Variants in FOXRED1 observed in about 807,000 individuals in gnomAD.
FOXRED1 encodes FAD dependent oxidoreductase domain containing 1, also known as FAD-dependent oxidoreductase domain-containing protein 1.
Under a neutral mutation model 57.8 loss-of-function variants are expected in FOXRED1, and 52 were observed. The ratio of observed to expected loss-of-function variants is 0.90; its 90% CI spans 0.72 to 1.13. FOXRED1 has a LOEUF of 1.13. Ranked by LOEUF, FOXRED1 falls within the 50% of genes most tolerant of loss-of-function variation. The pLI, the probability that FOXRED1 is intolerant of heterozygous loss-of-function variation, is 0.00. For missense variants in FOXRED1, 589 were observed against 625.2 expected, an observed-to-expected ratio of 0.94 and a Z score of 0.62; for synonymous variants, 271 against 248.3, an observed-to-expected ratio of 1.09 and a Z score of -0.86.
Position 126,276,475 on chromosome 11 carries a change from C to T in FOXRED1, c.1053C>T (p.Arg351=). The T allele has an allele frequency of 6.2e-7, 1 of 1,608,792 alleles. No individual in the cohort carries two copies. The highest frequency in any genetic ancestry group is 1.3e-5 in the African/African-American group (1 of 74,488). ...CAGACACCAGTGGAGCCTATTTTCG[C>T]CGGGAAGGATTAGGTAGCAACTACC... ...LVADTSGAYF[R]REGLGSNYLG... The change falls in exon 9 of 11, where the codon CGC becomes CGT. Residue 351 remains arginine, a synonymous_variant. Coordinates refer to ENST00000263578, the MANE Select transcript of FOXRED1 (RefSeq NM_017547.4).
chr11:126,274,668 G>A lies in FOXRED1; in HGVS notation c.537-259G>A, dbSNP rs1951081867. On this transcript the variant is annotated intron_variant, in intron 4 of 10. Coordinates refer to ENST00000263578, the MANE Select transcript of FOXRED1 (RefSeq NM_017547.4). This position sits in a 1 kb window ranked among gnomAD's most constrained non-coding sequence, Gnocchi z 4.8. ...TTGAAAAAAAAAAAAAGAAGTCATG[G>A]AATAGACTGGGATAGCAGGGAGCTC... is the stretch of plus-strand genomic sequence containing the variant. 2.1e-6 allele frequency: 1 copy of A among 486,628 alleles called. No individual in the cohort carries two copies. 30.1% of individuals were successfully genotyped at this position (486,628 alleles called of 1,614,324 possible).
Position 126,277,798 on chromosome 11 carries a change from CA to C in FOXRED1, c.*110del, listed in dbSNP as rs1315626601. On this transcript the variant is annotated 3_prime_UTR_variant, in exon 11 of 11. Transcript: ENST00000263578. This position sits in a 1 kb window ranked among gnomAD's most constrained non-coding sequence, Gnocchi z 6.8. ...CTGTGCCAGGCCTTCTCCCCCTCCCCAGTGTCCTCTCCTCTCAGGCAGGCCA... is the reference window on the plus strand; with the variant it reads ...CTGTGCCAGGCCTTCTCCCCCTCCCCGTGTCCTCTCCTCTCAGGCAGGCCA... 8.0e-7 allele frequency: 1 copy of C among 1,246,436 alleles called. No homozygotes were observed. Among genetic ancestry groups the C allele is most frequent in the Non-Finnish European group, 1.2e-6 (1 of 856,128 alleles). The allele number at this position is 1,246,436 out of a possible 1,614,324, so 77.2% of individuals were successfully genotyped here. A position where few individuals can be genotyped will look rare whatever the true frequency, so the allele number is the denominator to read the frequency against.
In FOXRED1 at chr11:126,275,925, T is replaced by C; in HGVS notation, c.810+55T>C. 6.5e-7 allele frequency: 1 copy of C among 1,532,320 alleles called. No individual in the cohort carries two copies. Among genetic ancestry groups the C allele is most frequent in the Non-Finnish European group, 9.0e-7 (1 of 1,105,658 alleles). The allele number at this position is 1,532,320 out of a possible 1,614,324, so 94.9% of individuals were successfully genotyped here. On this transcript the variant is annotated intron_variant, in intron 7 of 10. Transcript: ENST00000263578. The surrounding 1 kb of genome is among the most constrained non-coding windows in gnomAD (Gnocchi z 5.9). ...CAAAATGGAGGGACAGGGAAGGTAGTGACTCTCCTTGTTTTGGTTTTCTTT... is the reference window on the plus strand; with the variant it reads ...CAAAATGGAGGGACAGGGAAGGTAGCGACTCTCCTTGTTTTGGTTTTCTTT...
rs143739550 is a variant in FOXRED1, at chr11:126,276,442, G to C, written c.1020G>C (p.Pro340=). Residue 340 remains proline, a synonymous_variant, in exon 9 of 11, where the codon CCG becomes CCC. Transcript: ENST00000263578. ...CCCAGGGACCAGGCCTAGAGACTCC[G>C]CTTGTTGCAGACACCAGTGGAGCCT... ...HCPQGPGLET[P]LVADTSGAYF... is the part of the protein sequence containing the mutation. The C allele has an allele frequency of 4.3e-3, 6,863 of 1,600,864 alleles. 21 individuals are homozygous for C. The highest frequency in any genetic ancestry group is 4.9e-3 in the Non-Finnish European group (5,778 of 1,172,978).
In FOXRED1 at chr11:126,271,566, G is replaced by T; in HGVS notation, c.215G>T (p.Gly72Val). 1.2e-6 allele frequency: 2 copies of T among 1,614,230 alleles called. No homozygotes were observed. The highest frequency in any genetic ancestry group is 1.7e-6 in the Non-Finnish European group (2 of 1,180,044). ...EHSDVVIVGG[G>V]VLGLSVAYWL... ...TCGGATGTGGTGATCGTGGGAGGTGGGGTGCTTGGCTTGTCTGTGGCCTAT... is the reference window on the plus strand; with the variant it reads ...TCGGATGTGGTGATCGTGGGAGGTGTGGTGCTTGGCTTGTCTGTGGCCTAT... Residue 72 changes from glycine to valine, a missense_variant, in exon 2 of 11, where the codon GGG becomes GTG. By Grantham distance (109) the Gly-to-Val change is moderately radical (BLOSUM62 -3). Transcript: ENST00000263578. The surrounding 1 kb of genome is among the most constrained non-coding windows in gnomAD (Gnocchi z 5.3).
intron 8 of FOXRED1, 38 bp downstream of exon 8, chr11:126,276,257 A>G (rs1158048152): frequency 5.0e-5 from 38 of 756,208 alleles, no homozygotes; most frequent in African/African-American, 5.8e-5. Flanking sequence ...GTTGGTGAGA[A>G]AGAAAGAAAT....
intron 1 of FOXRED1, 105 bp downstream of exon 1, chr11:126,269,396 G>C (rs1950908928): frequency 1.3e-6 from 2 of 1,595,750 alleles, no homozygotes; most frequent in Admixed American, 1.8e-5. Flanking sequence ...GCAGGACAGT[G>C]GGTCGGCTTG....
rs1160219985 is a variant in FOXRED1, at chr11:126,275,749, C to T, written c.734-45C>T. On this transcript the variant is annotated intron_variant, in intron 6 of 10. Coordinates refer to ENST00000263578, the MANE Select transcript of FOXRED1 (RefSeq NM_017547.4). The surrounding 1 kb of genome is among the most constrained non-coding windows in gnomAD (Gnocchi z 5.9). ...AACCAGTGAAATCCCCATTTCATTC[C>T]TCTTCAGCACCTCTACGGCCTATTT... 1.5e-6 allele frequency: 2 copies of T among 1,301,192 alleles called. No individual in the cohort carries two copies. Among genetic ancestry groups the T allele is most frequent in the African/African-American group, 2.9e-5 (2 of 68,882 alleles). The allele number at this position is 1,301,192 out of a possible 1,614,324, so 80.6% of individuals were successfully genotyped here. A position where few individuals can be genotyped will look rare whatever the true frequency, so the allele number is the denominator to read the frequency against.
At chr11:126,269,345 G>A (rs1950905471) in intron 1 of FOXRED1, 54 bp downstream of exon 1, 2 of 1,613,716 alleles carry the variant, frequency 1.2e-6, no homozygotes, top group Admixed American at 1.7e-5. Context: ...CCCAACCTCC[G>A]ACTGTGTGTC....
In FOXRED1 at chr11:126,273,567, AG is replaced by A; in HGVS notation, c.536+115del. 1 of 773,792 alleles carries A rather than the reference AG, an allele frequency of 1.3e-6. No individual in the cohort carries two copies. Among genetic ancestry groups the A allele is most frequent in the Non-Finnish European group, 2.3e-6 (1 of 428,956 alleles). The allele number at this position is 773,792 out of a possible 1,614,324, so 47.9% of individuals were successfully genotyped here. A position where few individuals can be genotyped will look rare whatever the true frequency, so the allele number is the denominator to read the frequency against. On this transcript the variant is annotated intron_variant, in intron 4 of 10. Transcript: ENST00000263578. The surrounding 1 kb of genome is among the most constrained non-coding windows in gnomAD (Gnocchi z 5.9). ...TTGATAAGACAGATCCCTGCGGTCT[AG>A]GACCTCAGTGTGTCAGGAAGAAAAT...
In FOXRED1 at chr11:126,271,476, A is replaced by G. The variant is rs1244241923; in HGVS notation, c.125A>G (p.Lys42Arg). Reference sequence around the variant, plus strand: ...GTGTCTGAGATTAAGAAGAAGATCAAGTCGATCCTGCCTGGAAGGTCCTGT... The same window carrying G: ...GTGTCTGAGATTAAGAAGAAGATCAGGTCGATCCTGCCTGGAAGGTCCTGT... ...GKVSEIKKKI[K>R]SILPGRSCDL... Residue 42 changes from lysine (K) to arginine (R), a missense_variant, in exon 2 of 11, where the codon AAG becomes AGG. Physicochemically the swap from Lys to Arg is conservative, Grantham distance 26. Transcript: ENST00000263578. This position sits in a 1 kb window ranked among gnomAD's most constrained non-coding sequence, Gnocchi z 5.3. 1 of 1,614,182 alleles carries G rather than the reference A, an allele frequency of 6.2e-7. No homozygotes were observed. The highest frequency in any genetic ancestry group is 8.5e-7 in the Non-Finnish European group (1 of 1,179,990).
chr11:126,275,834 C>T lies in FOXRED1; in HGVS notation c.774C>T (p.Asp258=), dbSNP rs1951114148. Residue 258 remains aspartate, a synonymous_variant, in exon 7 of 11, where the codon GAC becomes GAT. Coordinates refer to ENST00000263578, the MANE Select transcript of FOXRED1 (RefSeq NM_017547.4). The surrounding 1 kb of genome is among the most constrained non-coding windows in gnomAD (Gnocchi z 5.9). ...CTCAACGCATGTTGACCACAGATGACAAAGCGGTGGTCTTGAAAAGGATCC... is the reference window on the plus strand; with the variant it reads ...CTCAACGCATGTTGACCACAGATGATAAAGCGGTGGTCTTGAAAAGGATCC... The part of the protein sequence containing the change: ...SSSQRMLTTD[D]KAVVLKRIHE... 6.2e-7 allele frequency: 1 copy of T among 1,613,004 alleles called. No homozygotes were observed. The highest frequency in any genetic ancestry group is 1.7e-5 in the Admixed American group (1 of 60,004).
At position 126,272,266 on chromosome 11, in the gene FOXRED1, A is replaced by C. The variant is rs1951011956; in HGVS notation, c.306+609A>C. ...CATGAGCCACCATTCCCAGCCCTCA[A>C]CTTGCTTCTTTTGGGTCCCGTTACT... On this transcript the variant is annotated intron_variant, in intron 2 of 10. Transcript: ENST00000263578. This position sits in a 1 kb window ranked among gnomAD's most constrained non-coding sequence, Gnocchi z 4.6. 1.4e-5 allele frequency among the ~76,000 whole-genome samples: 2 copies of C among 147,522 alleles called. No individual in the cohort carries two copies. The highest frequency in any genetic ancestry group is 4.3e-4 in the South Asian group (2 of 4,628).
Position 126,275,910 on chromosome 11 carries a change from G to A in FOXRED1, c.810+40G>A, listed in dbSNP as rs764427793. 2.0e-6 allele frequency: 3 copies of A among 1,536,292 alleles called. No homozygotes were observed. Among genetic ancestry groups the A allele is most frequent in the East Asian group, 2.2e-5 (1 of 44,532 alleles). Reference sequence around the variant, plus strand: ...TGTGATGTCCTTTACCAAAATGGAGGGACAGGGAAGGTAGTGACTCTCCTT... The same window carrying A: ...TGTGATGTCCTTTACCAAAATGGAGAGACAGGGAAGGTAGTGACTCTCCTT... On this transcript the variant is annotated intron_variant, in intron 7 of 10. Coordinates refer to ENST00000263578, the MANE Select transcript of FOXRED1 (RefSeq NM_017547.4). The surrounding 1 kb of genome is among the most constrained non-coding windows in gnomAD (Gnocchi z 5.9).
chr11:126,275,230 CT>C lies in FOXRED1; in HGVS notation c.632-95del. The C allele has an allele frequency of 2.0e-6, 2 of 991,710 alleles. No individual in the cohort carries two copies. Among genetic ancestry groups the C allele is most frequent in the East Asian group, 2.4e-5 (1 of 41,572 alleles). 61.4% of individuals were successfully genotyped at this position (991,710 alleles called of 1,614,324 possible). On this transcript the variant is annotated intron_variant, in intron 5 of 10. Transcript: ENST00000263578. This position sits in a 1 kb window ranked among gnomAD's most constrained non-coding sequence, Gnocchi z 5.9. ...AGTTGGTTAAGATGACCTTCCCCGG[CT>C]TACAAGCCCTAGAGAGGGGTTGGGG...
chr11:126,277,506 G>T lies in FOXRED1; in HGVS notation c.1278G>T (p.Pro426=), dbSNP rs775435796. The change falls in exon 11 of 11, where the codon CCG becomes CCT. Residue 426 remains proline (P), a synonymous_variant. Coordinates refer to ENST00000263578, the MANE Select transcript of FOXRED1 (RefSeq NM_017547.4). The surrounding 1 kb of genome is among the most constrained non-coding windows in gnomAD (Gnocchi z 6.8). ...AGAATGGCGTGGTGGGCCCCCACCCGCTAGTTGTCAACATGTACTTTGCTA... is the reference window on the plus strand; with the variant it reads ...AGAATGGCGTGGTGGGCCCCCACCCTCTAGTTGTCAACATGTACTTTGCTA... ...FDQNGVVGPH[P]LVVNMYFATG... is the part of the protein sequence containing the mutation. 9.3e-6 allele frequency: 15 copies of T among 1,613,478 alleles called. No individual in the cohort carries two copies. The highest frequency in any genetic ancestry group is 8.5e-7 in the Non-Finnish European group (1 of 1,179,986).
Position 126,275,204 on chromosome 11 carries a change from C to A in FOXRED1, c.632-123C>A. 1 of 852,650 alleles carries A rather than the reference C, an allele frequency of 1.2e-6. No individual in the cohort carries two copies. 52.8% of individuals were successfully genotyped at this position (852,650 alleles called of 1,614,324 possible). On this transcript the variant is annotated intron_variant, in intron 5 of 10. Transcript: ENST00000263578. The surrounding 1 kb of genome is among the most constrained non-coding windows in gnomAD (Gnocchi z 5.9). ...TTCATCAGGCTTTGTCTCTGTGGTTCAGTTGGTTAAGATGACCTTCCCCGG... is the reference window on the plus strand; with the variant it reads ...TTCATCAGGCTTTGTCTCTGTGGTTAAGTTGGTTAAGATGACCTTCCCCGG...
In FOXRED1 at chr11:126,272,162, A is replaced by G. The variant is rs186876942; in HGVS notation, c.306+505A>G. Among the ~76,000 whole-genome samples the G allele has an allele frequency of 1.0e-3, 153 of 152,138 alleles. No homozygotes were observed. Among genetic ancestry groups the G allele is most frequent in the South Asian group, 3.1e-3 (15 of 4,818 alleles). On this transcript the variant is annotated intron_variant, in intron 2 of 10. Transcript: ENST00000263578. This position sits in a 1 kb window ranked among gnomAD's most constrained non-coding sequence, Gnocchi z 4.6. ...TTTTTAGTAGAGATGAGGTTTCACC[A>G]TGTTGCCTAGGCTGGTCTTGAACTC...
rs750851240 is a variant in FOXRED1, at chr11:126,272,127, A to AT, written c.306+476dup. Among the ~76,000 whole-genome samples the AT allele has an allele frequency of 4.0e-5, 6 of 151,602 alleles. No individual in the cohort carries two copies. The highest frequency in any genetic ancestry group is 7.4e-5 in the Non-Finnish European group (5 of 67,950). ...CAGGGACACACCCTGATGCCCAGCT[A>AT]TTTTTTGTATTTTTAGTAGAGATGA... On this transcript the variant is annotated intron_variant, in intron 2 of 10. Coordinates refer to ENST00000263578, the MANE Select transcript of FOXRED1 (RefSeq NM_017547.4). This position sits in a 1 kb window ranked among gnomAD's most constrained non-coding sequence, Gnocchi z 4.6.
Sources: allele counts gnomAD v4.1 joint callset (sites outside exome capture counted in the v4.1 genomes callset), GRCh38; gene constraint gnomAD v4.1.1; non-coding constraint Gnocchi (gnomAD v3.1); transcripts MANE v1.5; gene names NCBI Gene and HGNC (gene_info 2026-07-23, HGNC 2026-07-21).